PARD3: variants seen among roughly 807,000 people sequenced by gnomAD.
PARD3 encodes the protein partitioning defective 3 homolog.
A neutral mutation model predicts 155.4 loss-of-function variants in PARD3; 75 were observed. The ratio of observed to expected loss-of-function variants is 0.48; its 90% CI spans 0.40 to 0.58. The LOEUF (loss-of-function observed/expected upper bound fraction) is 0.58. Among genes scored for constraint, PARD3 ranks in the 20% least tolerant of loss-of-function variants. PARD3 has a pLI of 0.00. For synonymous variants in PARD3, 576 were observed against 610.5 expected (o/e 0.94, Z 0.83); for missense variants, 1,642 against 1,721.7 (o/e 0.95, Z 0.82).
chr10:34,118,507 GC>G (rs1946805639), intron 24 of PARD3, among the ~76,000 whole-genome samples: 1 of 152,142 alleles, frequency 6.6e-6, no homozygotes, highest in Non-Finnish European at 1.5e-5. Flanking sequence ...ACCAAGCCCA[GC>G]TAATTTTTGT....
At chr10:34,483,819 G>A (rs2079258394) in intron 3 of PARD3, among the ~76,000 whole-genome samples, 1 of 152,172 alleles carries the variant, frequency 6.6e-6, no homozygotes, top group African/African-American at 2.4e-5. Flanking sequence ...AGAAATACAA[G>A]GTTAGGTGGA....
chr10:34,744,561 T>C (rs1211840456), intron 1 of PARD3, among the ~76,000 whole-genome samples: 1 of 152,228 alleles, frequency 6.6e-6, no homozygotes, highest in Non-Finnish European at 1.5e-5. Context: ...AGCGTTTCAC[T>C]GGAATCTCTT....
chr10:34,754,523 A>C (rs1836468270), intron 1 of PARD3, among the ~76,000 whole-genome samples: 1 of 152,252 alleles, frequency 6.6e-6, no homozygotes, highest in South Asian at 2.1e-4. Flanking sequence ...ACATGGCTAC[A>C]CAGAAAATAC....
intron 5 of PARD3, among the ~76,000 whole-genome samples, chr10:34,448,608 T>G (rs2076884844): frequency 6.6e-6 from 1 of 152,078 alleles, no homozygotes; most frequent in Admixed American, 6.6e-5. Flanking sequence ...AAGACTAGCC[T>G]GGATAGCAAA....
At chr10:34,137,673 T>C (rs1245056633) in intron 22 of PARD3, among the ~76,000 whole-genome samples, 1 of 152,204 alleles carries the variant, frequency 6.6e-6, no homozygotes, top group Non-Finnish European at 1.5e-5. Flanking sequence ...ATGCTGGGTG[T>C]ATTCTTTGTG....
At chr10:34,122,732 G>A (rs920946406) in intron 23 of PARD3, among the ~76,000 whole-genome samples, 3 of 152,044 alleles carry the variant, frequency 2.0e-5, no homozygotes, top group Non-Finnish European at 4.4e-5. Context: ...AGTTCATCCC[G>A]GCAAGTTTGA....
At chr10:34,372,363 C>T in intron 12 of PARD3, 135 bp downstream of exon 12, 2 of 675,988 alleles carry the variant, frequency 3.0e-6, no homozygotes, top group Admixed American at 2.2e-5. Context: ...ACCACTTTGG[C>T]ATTTAATAAA....
intron 2 of PARD3, among the ~76,000 whole-genome samples, chr10:34,585,201 C>T (rs188632208): frequency 4.6e-5 from 7 of 152,216 alleles, no homozygotes; most frequent in Non-Finnish European, 7.4e-5. Context: ...TTATCCAATT[C>T]GGTTAGTTTG....
intron 3 of PARD3, among the ~76,000 whole-genome samples, chr10:34,501,899 A>G (rs1044545209): frequency 2.6e-5 from 4 of 152,154 alleles, no homozygotes; most frequent in African/African-American, 9.7e-5. Flanking sequence ...CTAATCCCCA[A>G]GGTGATGGTA....
intron 14 of PARD3, among the ~76,000 whole-genome samples, chr10:34,348,367 TA>T (rs1294614245): frequency 6.6e-6 from 1 of 152,244 alleles, no homozygotes; most frequent in Non-Finnish European, 1.5e-5. Flanking sequence ...TATGTATATT[TA>T]AGGCTTTTTT....
intron 20 of PARD3, 116 bp from the exon 21 acceptor site, chr10:34,284,361 G>A (rs914917438): frequency 1.6e-6 from 1 of 609,140 alleles, no homozygotes; most frequent in Non-Finnish European, 2.9e-6. Context: ...ACAGGGATCA[G>A]GTGTCTTCTG....
At chr10:34,228,015 G>A (rs1287922553) in intron 22 of PARD3, among the ~76,000 whole-genome samples, 1 of 150,600 alleles carries the variant, frequency 6.6e-6, no homozygotes, top group African/African-American at 2.5e-5. Context: ...AACCAGCCTA[G>A]TTGCCCACCA....
intron 22 of PARD3, among the ~76,000 whole-genome samples, chr10:34,140,946 A>G (rs1948158399): frequency 6.6e-6 from 1 of 152,156 alleles, no homozygotes; most frequent in Non-Finnish European, 1.5e-5. Flanking sequence ...TAATCTTACC[A>G]CTTGTATACT....
At chr10:34,502,006 G>A (rs1159133333) in intron 3 of PARD3, among the ~76,000 whole-genome samples, 1 of 152,168 alleles carries the variant, frequency 6.6e-6, no homozygotes, top group Non-Finnish European at 1.5e-5. Context: ...CTCCCACCAT[G>A]TAAAGACATA....
chr10:34,691,539 A>G (rs187227334), intron 2 of PARD3, among the ~76,000 whole-genome samples: 4 of 152,362 alleles, frequency 2.6e-5, no homozygotes, highest in East Asian at 3.9e-4. Context: ...TACAGATTCA[A>G]TGCTACCCCT....
chr10:34,666,796 A>AAAAATATATAT (rs1358640964), intron 2 of PARD3, among the ~76,000 whole-genome samples: 1 of 66,930 alleles, frequency 1.5e-5, no homozygotes, highest in Non-Finnish European at 2.8e-5. Flanking sequence ...AAAAAAAAAA[A>AAAAATATATAT]ATATATATAT....
At chr10:34,322,200 G>A (rs919959944) in intron 19 of PARD3, among the ~76,000 whole-genome samples, 1 of 152,172 alleles carries the variant, frequency 6.6e-6, no homozygotes, top group African/African-American at 2.4e-5. Context: ...TCCATGCTTA[G>A]GGAGAGGGCT....
At chr10:34,137,902 C>T (rs1564423709) in intron 22 of PARD3, among the ~76,000 whole-genome samples, 3 of 152,196 alleles carry the variant, frequency 2.0e-5, no homozygotes, top group Non-Finnish European at 2.9e-5. Flanking sequence ...CAGCAATAAA[C>T]GTTCTAGACC....
At chr10:34,694,864 G>A (rs1301948677) in intron 2 of PARD3, among the ~76,000 whole-genome samples, 2 of 152,116 alleles carry the variant, frequency 1.3e-5, no homozygotes, top group African/African-American at 4.8e-5. Context: ...CTCTCAGCCA[G>A]GCATGATGCT....
Sources: allele counts gnomAD v4.1 joint callset (sites outside exome capture counted in the v4.1 genomes callset), GRCh38; gene constraint gnomAD v4.1.1; transcripts MANE v1.5; gene names NCBI Gene and HGNC (gene_info 2026-07-23, HGNC 2026-07-21).